The following RNF216 variants were observed in gnomAD, a reference collection of about 807,000 sequenced individuals.
RNF216 encodes the protein E3 ubiquitin-protein ligase RNF216.
Under a neutral mutation model 110.8 loss-of-function variants are expected in RNF216, and 72 were observed. The observed-to-expected ratio is 0.65, with a 90% CI of 0.54 to 0.79. The LOEUF is 0.79. Among genes scored for constraint, RNF216 ranks in the 30% least tolerant of loss-of-function variants. The pLI, the probability that RNF216 is intolerant of heterozygous loss-of-function variation, is 0.00. For synonymous variants in RNF216, 495 were observed against 407.5 expected (o/e 1.21, Z -2.59); for missense variants, 1,342 against 1,141.2 (o/e 1.18, Z -2.54).
intron 7 of RNF216, among the ~76,000 whole-genome samples, chr7:5,728,804 C>T (rs1162315596): frequency 1.3e-5 from 2 of 152,178 alleles, no homozygotes; most frequent in Non-Finnish European, 1.5e-5. Context: ...GCAGTAAGAG[C>T]GACCAAGAGG....
In RNF216 at chr7:5,716,737, C is replaced by A; in HGVS notation, c.1674G>T (p.Met558Ile). 3 of 1,603,142 alleles carry A rather than the reference C, an allele frequency of 1.9e-6. No homozygotes were observed. Among genetic ancestry groups the A allele is most frequent in the Non-Finnish European group, 8.5e-7 (1 of 1,174,052 alleles). ...EHEDFLLALQ[M>I]NEEQYQKDGQ... is the part of the protein sequence containing the mutation. The stretch of plus-strand genomic sequence containing the variant: ...CTACCTTTTGATACTGTTCTTCATT[C>A]ATCTGTAGGGCAAGCAAAAAGTCTT... Residue 558 changes from methionine to isoleucine, a missense_variant, in exon 10 of 17, where the codon ATG (methionine) becomes ATT (isoleucine). Met to Ile is a conservative substitution (Grantham distance 10). Coordinates refer to ENST00000389902, the MANE Select transcript of RNF216 (RefSeq NM_207111.4).
intron 1 of RNF216, among the ~76,000 whole-genome samples, chr7:5,761,532 A>G (rs1795933363): frequency 6.6e-6 from 1 of 152,240 alleles, no homozygotes; most frequent in African/African-American, 2.4e-5. Context: ...TCACGCCTAC[A>G]ATCCCAGCAC....
At chr7:5,645,655 G>A (rs536520381) in intron 14 of RNF216, among the ~76,000 whole-genome samples, 1 of 151,666 alleles carries the variant, frequency 6.6e-6, no homozygotes, top group East Asian at 1.9e-4. Flanking sequence ...CAGTGGTGCA[G>A]TCTCAGCTCA....
Position 5,623,087 on chromosome 7 carries a change from G to A in RNF216, c.2545C>T (p.Leu849=), listed in dbSNP as rs199612178. 2.5e-6 allele frequency: 4 copies of A among 1,611,798 alleles called. No individual in the cohort carries two copies. The African/African-American group carries it at 4.0e-5, about 16-fold the overall frequency. The change falls in exon 17 of 17, where the codon CTG becomes TTG. Residue 849 remains leucine, a synonymous_variant. Transcript: ENST00000389902. The stretch of plus-strand genomic sequence containing the variant: ...TAGGGTGGCATCTGTGGCTGTGGCA[G>A]GTTCTGCGGAACGGGCCTCGGGAGG... ...EALPRPVPQN[L]PQPQMPPYAF...
intron 8 of RNF216, among the ~76,000 whole-genome samples, chr7:5,722,865 G>C (rs1305988928): frequency 6.6e-6 from 1 of 151,826 alleles, no homozygotes; most frequent in Non-Finnish European, 1.5e-5. Context: ...GCATGATGGC[G>C]CACACCTGTA....
At chr7:5,646,231 T>C (rs149799056) in intron 14 of RNF216, among the ~76,000 whole-genome samples, 1 of 152,272 alleles carries the variant, frequency 6.6e-6, no homozygotes, top group African/African-American at 2.4e-5. Context: ...TAGCCGGGCA[T>C]GGTGGTGCAT....
chr7:5,723,399 G>C (rs957252956), intron 8 of RNF216, among the ~76,000 whole-genome samples: 21 of 151,920 alleles, frequency 1.4e-4, no homozygotes, highest in Admixed American at 1.2e-3. Context: ...CTGTAATCTC[G>C]CACTTTGGGA....
In RNF216 at chr7:5,760,506, T is replaced by C. The variant is rs193167664; in HGVS notation, c.67+497A>G. ...ACTCTGGCCTGGGCAATGAGTAAAA[T>C]TCCATCTCAAAAAAAGAAAAAAAAA... is the stretch of plus-strand genomic sequence containing the variant. On this transcript the variant is annotated intron_variant, in intron 2 of 16. Transcript: ENST00000389902. The C allele has an allele frequency of 1.5e-5, 5 of 335,926 alleles. No homozygotes were observed. The East Asian group carries it at 3.9e-4, about 26-fold the overall frequency. 20.8% of individuals were successfully genotyped at this position (335,926 alleles called of 1,614,324 possible).
chr7:5,633,574 CAAACA>C (rs575093784), intron 15 of RNF216, among the ~76,000 whole-genome samples: 13 of 152,100 alleles, frequency 8.5e-5, no homozygotes, highest in East Asian at 7.8e-4. Flanking sequence ...GACTCCCTCT[CAAACA>C]AAACAAAACA....
intron 13 of RNF216, among the ~76,000 whole-genome samples, chr7:5,702,049 G>A (rs1792002519): frequency 6.6e-6 from 1 of 152,168 alleles, no homozygotes; most frequent in Non-Finnish European, 1.5e-5. Flanking sequence ...GGAGGTCGGC[G>A]ACATCTGAGG....
chr7:5,744,638 A>AAAAC (rs199847664), intron 3 of RNF216, among the ~76,000 whole-genome samples: 6 of 152,176 alleles, frequency 3.9e-5, no homozygotes, highest in East Asian at 1.9e-4. Flanking sequence ...AAGACTCTAC[A>AAAAC]AAACAAACAA....
chr7:5,677,345 C>T (rs1249201606), intron 13 of RNF216, among the ~76,000 whole-genome samples: 1 of 152,130 alleles, frequency 6.6e-6, no homozygotes, highest in African/African-American at 2.4e-5. Context: ...AAGGTGGGCA[C>T]TAGGTAAATT....
intron 13 of RNF216, among the ~76,000 whole-genome samples, chr7:5,672,110 C>T (rs755624935): frequency 1.3e-5 from 2 of 152,202 alleles, no homozygotes; most frequent in Non-Finnish European, 2.9e-5. Context: ...CCCCTTTGTG[C>T]ACACGCTGTG....
At chr7:5,747,875 C>T (rs1253103663) in intron 3 of RNF216, among the ~76,000 whole-genome samples, 1 of 151,776 alleles carries the variant, frequency 6.6e-6, no homozygotes, top group African/African-American at 2.4e-5. Flanking sequence ...AATTCCTGAG[C>T]TCAAGTGATC....
chr7:5,629,069 T>C (rs893346038), intron 15 of RNF216, among the ~76,000 whole-genome samples: 17 of 151,496 alleles, frequency 1.1e-4, no homozygotes, highest in African/African-American at 4.1e-4. Context: ...TGTGGTGGCG[T>C]GTGCCTGTAA....
At chr7:5,766,431 G>C (rs575855460) in intron 1 of RNF216, among the ~76,000 whole-genome samples, 1 of 151,926 alleles carries the variant, frequency 6.6e-6, no homozygotes, top group South Asian at 2.1e-4. Flanking sequence ...TGGAGTCTGT[G>C]GGAGGTGATT....
chr7:5,623,077 G>T lies in RNF216; in HGVS notation c.2555C>A (p.Pro852Gln), dbSNP rs145800933. The change falls in exon 17 of 17, where the codon CCA becomes CAA. Residue 852 changes from proline (P) to glutamine (Q), a missense_variant. By Grantham distance (76) the Pro-to-Gln change is moderately conservative. Transcript: ENST00000389902. ...CGCGAAGGCATAGGGTGGCATCTGT[G>T]GCTGTGGCAGGTTCTGCGGAACGGG... ...PRPVPQNLPQ[P>Q]QMPPYAFAHP... is the part of the protein sequence containing the mutation. 1 of 1,612,502 alleles carries T rather than the reference G, an allele frequency of 6.2e-7. No homozygotes were observed. The highest frequency in any genetic ancestry group is 8.5e-7 in the Non-Finnish European group (1 of 1,178,804).
chr7:5,733,341 C>A (rs10267873), intron 5 of RNF216, among the ~76,000 whole-genome samples: 1,566 of 152,214 alleles, frequency 0.01, 29 homozygotes, highest in African/African-American at 0.036. Flanking sequence ...GTCAGCAAGT[C>A]CCTAAAAATA....
rs529874656 is a variant in RNF216, at chr7:5,677,234, C to T, written c.2062-24724G>A. On this transcript the variant is annotated intron_variant, in intron 13 of 16. Coordinates refer to ENST00000389902, the MANE Select transcript of RNF216 (RefSeq NM_207111.4). ...AGAGACTGCTCAGCACGTGCTTCTG[C>T]AACATCAGCCAAGGAGTCGCTATCT... Among the ~76,000 whole-genome samples the T allele has an allele frequency of 1.5e-3, 231 of 152,350 alleles. 2 individuals are homozygous for T. Among genetic ancestry groups the T allele is most frequent in the Middle Eastern group, 3.4e-3 (1 of 294 alleles).
Sources: gnomAD v4.1 joint callset for allele counts (sites outside exome capture counted in the v4.1 genomes callset) on GRCh38, gnomAD v4.1.1 for gene constraint, MANE v1.5 for transcripts, NCBI Gene and HGNC (gene_info 2026-07-23, HGNC 2026-07-21) for gene names.